Variants in LEKR1 observed in about 807,000 individuals in gnomAD.
LEKR1 encodes the protein protein LEKR1.
A neutral mutation model predicts 72.4 loss-of-function variants in LEKR1; 59 were observed. The observed-to-expected ratio is 0.82, with a 90% CI of 0.66 to 1.01. The LOEUF (loss-of-function observed/expected upper bound fraction) is 1.01, where lower values mean the gene tolerates loss of function less well. Ranked by LOEUF, LEKR1 falls within the 50% of genes least tolerant of loss-of-function variation. The pLI is 0.00. For missense variants in LEKR1, 728 were observed against 759.2 expected, an observed-to-expected ratio of 0.96 and a Z score of 0.48; for synonymous variants, 257 against 263.2, an observed-to-expected ratio of 0.98 and a Z score of 0.23.
chr3:156,903,826 G>A (rs1722266127), intron 3 of LEKR1, among the ~76,000 whole-genome samples: 1 of 152,176 alleles, frequency 6.6e-6, no homozygotes, highest in African/African-American at 2.4e-5. Context: ...CTAGTCCCAA[G>A]GAAAGAATCC....
chr3:156,930,050 A>G (rs184724595), intron 5 of LEKR1, among the ~76,000 whole-genome samples: 1 of 152,328 alleles, frequency 6.6e-6, no homozygotes, highest in Non-Finnish European at 1.5e-5. Context: ...TGGCAGAACA[A>G]CTGCATTTCA....
chr3:157,004,295 G>A (rs963691795), intron 9 of LEKR1, among the ~76,000 whole-genome samples: 1 of 152,066 alleles, frequency 6.6e-6, no homozygotes, highest in African/African-American at 2.4e-5. Flanking sequence ...CTAAATATTT[G>A]CACATCTAAT....
At chr3:157,012,813 C>T (rs888032405) in intron 10 of LEKR1, among the ~76,000 whole-genome samples, 2 of 152,050 alleles carry the variant, frequency 1.3e-5, no homozygotes, top group Non-Finnish European at 2.9e-5. Context: ...TAAGGCCCAG[C>T]TTCTTTCATT....
At chr3:157,031,822 A>C (rs112505072) in intron 12 of LEKR1, among the ~76,000 whole-genome samples, 6 of 152,234 alleles carry the variant, frequency 3.9e-5, no homozygotes, top group South Asian at 2.1e-4. Context: ...CTTTGTTTTT[A>C]ATTGTATGAA....
At chr3:156,885,024 C>G (rs1719903707) in intron 3 of LEKR1, among the ~76,000 whole-genome samples, 1 of 151,992 alleles carries the variant, frequency 6.6e-6, no homozygotes, top group Non-Finnish European at 1.5e-5. Context: ...ATTCAAAAGC[C>G]TTGTCTTTGA....
At chr3:156,907,515 T>C (rs1297593210) in intron 3 of LEKR1, among the ~76,000 whole-genome samples, 1 of 152,128 alleles carries the variant, frequency 6.6e-6, no homozygotes. Context: ...GACTGTTTCC[T>C]TTTTTGCTAT....
At chr3:156,957,516 C>A in intron 6 of LEKR1, among the ~76,000 whole-genome samples, 1 of 151,408 alleles carries the variant, frequency 6.6e-6, no homozygotes, top group Non-Finnish European at 1.5e-5. Flanking sequence ...ATTTAGCTCA[C>A]ATTCTACCTC....
In LEKR1 at chr3:156,920,687, A is replaced by G; in HGVS notation, c.376A>G (p.Ile126Val). 7.3e-7 allele frequency: 1 copy of G among 1,376,026 alleles called. No homozygotes were observed. The highest frequency in any genetic ancestry group is 9.8e-7 in the Non-Finnish European group (1 of 1,019,576). The allele number at this position is 1,376,026 out of a possible 1,614,324, so 85.2% of individuals were successfully genotyped here. A position where few individuals can be genotyped will look rare whatever the true frequency, so the allele number is the denominator to read the frequency against. ...AAAAATTAAATATAGACAATCATAC[A>G]TCTTCAGGTAAGATTAAAGAACTGA... ...ELKIKYRQSYIFSQRLSEYKY... is the reference protein window; with the variant it reads ...ELKIKYRQSYVFSQRLSEYKY... The change falls in exon 4 of 13, where the codon ATC (isoleucine) becomes GTC (valine). Residue 126 changes from isoleucine (I) to valine (V), a missense_variant. Coordinates refer to ENST00000356539, the MANE Select transcript of LEKR1 (RefSeq NM_001004316.3).
chr3:156,893,316 C>T (rs771729424), intron 3 of LEKR1, among the ~76,000 whole-genome samples: 49 of 152,186 alleles, frequency 3.2e-4, no homozygotes, highest in African/African-American at 8.2e-4. Context: ...TGTGATGTGA[C>T]GGAACACTGT....
intron 5 of LEKR1, among the ~76,000 whole-genome samples, chr3:156,935,659 C>T (rs1725627813): frequency 6.6e-6 from 1 of 151,810 alleles, no homozygotes. Flanking sequence ...AGGAACTATC[C>T]CACTTACATG....
intron 3 of LEKR1, among the ~76,000 whole-genome samples, chr3:156,909,922 TA>T (rs1290894834): frequency 1.3e-5 from 2 of 152,172 alleles, no homozygotes; most frequent in Non-Finnish European, 1.5e-5. Flanking sequence ...GTTATCATTT[TA>T]AAAAGCATTT....
intron 3 of LEKR1, among the ~76,000 whole-genome samples, chr3:156,917,178 G>A (rs546333971): frequency 1.3e-5 from 2 of 152,182 alleles, no homozygotes; most frequent in East Asian, 3.9e-4. Flanking sequence ...ACTTTAATAG[G>A]ATGGAAGATA....
intron 5 of LEKR1, among the ~76,000 whole-genome samples, chr3:156,939,323 T>C (rs1385134373): frequency 3.3e-5 from 5 of 152,180 alleles, no homozygotes; most frequent in African/African-American, 4.8e-5. Context: ...GAGAGAGACC[T>C]GGAACAGATC....
At chr3:157,019,206 A>C (rs536325666) in intron 10 of LEKR1, among the ~76,000 whole-genome samples, 1 of 152,316 alleles carries the variant, frequency 6.6e-6, no homozygotes, top group Non-Finnish European at 1.5e-5. Context: ...TAAAGGTATC[A>C]TTGAGTAATA....
At chr3:156,927,927 C>A (rs1320215409) in intron 5 of LEKR1, among the ~76,000 whole-genome samples, 1 of 151,852 alleles carries the variant, frequency 6.6e-6, no homozygotes, top group African/African-American at 2.4e-5. Context: ...TTATAGATAA[C>A]AACTTTAATT....
intron 5 of LEKR1, among the ~76,000 whole-genome samples, chr3:156,933,457 C>T (rs776471437): frequency 1.4e-4 from 21 of 152,178 alleles, no homozygotes; most frequent in Non-Finnish European, 2.1e-4. Flanking sequence ...CATATCTTTG[C>T]CAACACTTAG....
chr3:156,928,360 A>G (rs891787000), intron 5 of LEKR1, among the ~76,000 whole-genome samples: 1 of 152,042 alleles, frequency 6.6e-6, no homozygotes, highest in Admixed American at 6.6e-5. Context: ...GGGTGTCCCT[A>G]GTGGGGGAGC....
chr3:156,969,339 T>A (rs1728934582), intron 6 of LEKR1, among the ~76,000 whole-genome samples: 1 of 152,076 alleles, frequency 6.6e-6, no homozygotes, highest in Non-Finnish European at 1.5e-5. Flanking sequence ...AGGAGCTGGT[T>A]TTTTGAAAAG....
chr3:156,978,086 T>G (rs1034110198), intron 6 of LEKR1, among the ~76,000 whole-genome samples: 1 of 152,130 alleles, frequency 6.6e-6, no homozygotes, highest in Non-Finnish European at 1.5e-5. Context: ...ATAGATAAAG[T>G]TAATGTAATA....
Sources: allele counts gnomAD v4.1 joint callset (sites outside exome capture counted in the v4.1 genomes callset), GRCh38; gene constraint gnomAD v4.1.1; transcripts MANE v1.5; gene names NCBI Gene and HGNC (gene_info 2026-07-23, HGNC 2026-07-21).